The following ADGRB3 variants were observed in gnomAD, a reference collection of about 807,000 sequenced individuals.
ADGRB3 encodes adhesion G protein-coupled receptor B3.
Under a neutral mutation model 193.4 loss-of-function variants are expected in ADGRB3, and 37 were observed. That is an observed-to-expected ratio of 0.19 (90% CI 0.15 to 0.25). ADGRB3 has a LOEUF of 0.25. ADGRB3 is among the 10% of genes least tolerant of loss of function. The probability of loss-of-function intolerance (pLI) is 1.00; values close to 1 mark genes in which losing one functional copy is unlikely to be tolerated. For synonymous variants in ADGRB3, 690 were observed against 644.2 expected, an observed-to-expected ratio of 1.07 and a Z score of -1.08; for missense variants, 1,637 against 1,852.9, an observed-to-expected ratio of 0.88 and a Z score of 2.14.
intron 11 of ADGRB3, among the ~76,000 whole-genome samples, 175 bp from the exon 12 acceptor site, chr6:69,013,863 A>C (rs1770013138): frequency 6.6e-6 from 1 of 152,092 alleles, no homozygotes; most frequent in Non-Finnish European, 1.5e-5. Context: ...TGAAAATCCT[A>C]GAATTACGGT....
chr6:68,827,107 G>T (rs1407476595), intron 3 of ADGRB3, among the ~76,000 whole-genome samples: 1 of 152,156 alleles, frequency 6.6e-6, no homozygotes, highest in Non-Finnish European at 1.5e-5. Flanking sequence ...AAATTGTAGG[G>T]ATTGAGTCCT....
intron 3 of ADGRB3, among the ~76,000 whole-genome samples, chr6:68,853,211 G>A (rs560032944): frequency 3.0e-4 from 46 of 152,086 alleles, no homozygotes; most frequent in African/African-American, 1.1e-3. Flanking sequence ...AACAAATTAT[G>A]ATATATCTTT....
At chr6:68,992,664 A>G (rs1230679915) in intron 10 of ADGRB3, among the ~76,000 whole-genome samples, 1 of 152,188 alleles carries the variant, frequency 6.6e-6, no homozygotes, top group East Asian at 1.9e-4. Flanking sequence ...GTCTCTAAAG[A>G]TTTTATTTTA....
chr6:68,956,072 C>CG lies in ADGRB3; in HGVS notation c.1245dup (p.Cys416ValfsTer34). The CG allele has an allele frequency of 6.2e-7, 1 of 1,613,856 alleles. No homozygotes were observed. The highest frequency in any genetic ancestry group is 8.5e-7 in the Non-Finnish European group (1 of 1,179,940). ...AGTTCGTGGAGCCAGTGCTCAGTAA[C>CG]GTGCTCGAATGGGACTCAGCAGAGA... On this transcript the variant is annotated frameshift_variant, in exon 7 of 32. Coordinates refer to ENST00000370598, the MANE Select transcript of ADGRB3 (RefSeq NM_001704.3). LOFTEE classifies it high-confidence loss of function.
intron 17 of ADGRB3, among the ~76,000 whole-genome samples, chr6:69,121,223 G>C (rs1230098874): frequency 2.0e-5 from 3 of 152,090 alleles, no homozygotes; most frequent in Non-Finnish European, 2.9e-5. Context: ...CGAGCATGCT[G>C]TCTTCAAGCA....
intron 17 of ADGRB3, among the ~76,000 whole-genome samples, chr6:69,149,924 C>CTGTGTGTGTGTGTGTGTGTG: frequency 7.8e-6 from 1 of 128,886 alleles, no homozygotes; most frequent in African/African-American, 3.0e-5. Context: ...GTCTGTCTTT[C>CTGTGTGTGTGTGTGTGTGTG]TGTGTGTGTG....
intron 20 of ADGRB3, among the ~76,000 whole-genome samples, chr6:69,319,172 T>G (rs1487126137): frequency 6.6e-6 from 1 of 151,246 alleles, no homozygotes; most frequent in Non-Finnish European, 1.5e-5. Context: ...TTCACAAGTT[T>G]TCATATATAT....
At chr6:68,726,906 G>A (rs1765684400) in intron 3 of ADGRB3, among the ~76,000 whole-genome samples, 1 of 151,472 alleles carries the variant, frequency 6.6e-6, no homozygotes, top group Non-Finnish European at 1.5e-5. Flanking sequence ...TGCACACTCT[G>A]GGGGCTGCAG....
At chr6:68,729,603 A>G (rs1258362025) in intron 3 of ADGRB3, among the ~76,000 whole-genome samples, 1 of 151,536 alleles carries the variant, frequency 6.6e-6, no homozygotes, top group Non-Finnish European at 1.5e-5. Context: ...GCGCTAAGCC[A>G]CTTTTGGGTC....
chr6:68,921,880 CG>C (rs990609203), intron 3 of ADGRB3, among the ~76,000 whole-genome samples: 5 of 151,970 alleles, frequency 3.3e-5, no homozygotes, highest in Middle Eastern at 3.4e-3. Flanking sequence ...ACCGCAATAT[CG>C]TTTGTGTCGT....
chr6:68,794,113 A>C (rs1310749606), intron 3 of ADGRB3, among the ~76,000 whole-genome samples: 1 of 152,146 alleles, frequency 6.6e-6, no homozygotes, highest in Non-Finnish European at 1.5e-5. Context: ...ATGTGCTTTC[A>C]TACTGTCTAT....
chr6:69,117,926 G>A (rs936781281), intron 17 of ADGRB3, among the ~76,000 whole-genome samples: 1 of 152,160 alleles, frequency 6.6e-6, no homozygotes, highest in Non-Finnish European at 1.5e-5. Context: ...GAAGATAGTA[G>A]CACTGTCTGA....
chr6:69,196,102 C>A (rs998376716), intron 17 of ADGRB3, among the ~76,000 whole-genome samples: 1 of 152,052 alleles, frequency 6.6e-6, no homozygotes, highest in Admixed American at 6.6e-5. Flanking sequence ...ACAACTGAGA[C>A]TTAGATAATG....
intron 3 of ADGRB3, among the ~76,000 whole-genome samples, chr6:68,668,573 T>C (rs994459030): frequency 1.3e-5 from 2 of 152,006 alleles, no homozygotes; most frequent in African/African-American, 4.8e-5. Context: ...AATAATTTAT[T>C]TTCAAATTGT....
In ADGRB3 at chr6:69,339,521, T is replaced by C. The variant is rs1768930457; in HGVS notation, c.3459+17T>C. 1.2e-6 allele frequency: 2 copies of C among 1,608,570 alleles called. No individual in the cohort carries two copies. The highest frequency in any genetic ancestry group is 2.7e-5 in the African/African-American group (2 of 74,818). On this transcript the variant is annotated intron_variant, in intron 26 of 31. Coordinates refer to ENST00000370598, the MANE Select transcript of ADGRB3 (RefSeq NM_001704.3). Reference sequence around the variant, plus strand: ...CGGAGAGAGGTGAGAAGCATTCTTGTGATAGAGAACAGTGATGGTTGGAAT... The same window carrying C: ...CGGAGAGAGGTGAGAAGCATTCTTGCGATAGAGAACAGTGATGGTTGGAAT...
At chr6:69,089,286 A>C (rs1483179837) in intron 17 of ADGRB3, among the ~76,000 whole-genome samples, 1 of 152,214 alleles carries the variant, frequency 6.6e-6, no homozygotes, top group African/African-American at 2.4e-5. Context: ...TTAACATGAG[A>C]TATATATTGA....
chr6:68,933,598 G>A (rs1357513545), intron 4 of ADGRB3, among the ~76,000 whole-genome samples: 1 of 152,084 alleles, frequency 6.6e-6, no homozygotes, highest in Non-Finnish European at 1.5e-5. Flanking sequence ...GTCTCAATAA[G>A]TAAATAAATG....
At chr6:68,694,522 T>G (rs950159964) in intron 3 of ADGRB3, among the ~76,000 whole-genome samples, 1 of 151,884 alleles carries the variant, frequency 6.6e-6, no homozygotes, top group Non-Finnish European at 1.5e-5. Context: ...CACCTTGTTT[T>G]TTTAGTCTTC....
chr6:68,789,521 T>A (rs1767055078), intron 3 of ADGRB3, among the ~76,000 whole-genome samples: 1 of 152,234 alleles, frequency 6.6e-6, no homozygotes, highest in Admixed American at 6.5e-5. Flanking sequence ...TGCGGAGAGA[T>A]CAGCTGTTAG....
Sources: gnomAD v4.1 joint callset for allele counts (sites outside exome capture counted in the v4.1 genomes callset) on GRCh38, gnomAD v4.1.1 for gene constraint, MANE v1.5 for transcripts, NCBI Gene and HGNC (gene_info 2026-07-23, HGNC 2026-07-21) for gene names.